The following STAU2 variants were observed in gnomAD, a reference collection of about 807,000 sequenced individuals.
STAU2 encodes double-stranded RNA-binding protein Staufen homolog 2.
Under a neutral mutation model 65.9 loss-of-function variants are expected in STAU2, and 20 were observed. The ratio of observed to expected loss-of-function variants is 0.30; its 90% confidence interval spans 0.21 to 0.44. STAU2 has a LOEUF of 0.44. Ranked by LOEUF, STAU2 falls within the 20% of genes least tolerant of loss-of-function variation. STAU2 has a pLI of 1.00. For missense variants in STAU2, 558 were observed against 683.9 expected (o/e 0.82, Z 2.05); for synonymous variants, 232 against 233.9 (o/e 0.99, Z 0.07).
At chr8:73,574,070 G>A (rs1325995628) in intron 12 of STAU2, among the ~76,000 whole-genome samples, 6 of 151,790 alleles carry the variant, frequency 4.0e-5, no homozygotes, top group African/African-American at 1.5e-4. Context: ...AAAAAATCAA[G>A]CAACCCCATC....
At chr8:73,623,780 C>T (rs1358891383) in intron 6 of STAU2, among the ~76,000 whole-genome samples, 1 of 152,162 alleles carries the variant, frequency 6.6e-6, no homozygotes, top group Non-Finnish European at 1.5e-5. Context: ...GTCCTTGGCA[C>T]ATTTTCAAAC....
At position 73,439,344 on chromosome 8, in the gene STAU2, T is replaced by C. The variant is rs114739794; in HGVS notation, c.1531-16642A>G. The stretch of plus-strand genomic sequence containing the variant: ...TAAGAGGCTAAGATTTGACTGGGCA[T>C]GGTGGCTCATGCCTGTAATCCCAGC... On this transcript the variant is annotated intron_variant, in intron 13 of 14. Coordinates refer to ENST00000524300, the MANE Select transcript of STAU2 (RefSeq NM_001164380.2). 1,150 of 288,580 alleles carry C rather than the reference T, an allele frequency of 4.0e-3. 15 individuals carry two copies. Among genetic ancestry groups the C allele is most frequent in the African/African-American group, 0.024 (1,082 of 44,836 alleles). The allele number at this position is 288,580 out of a possible 1,614,324, so 17.9% of individuals were successfully genotyped here.
At chr8:73,672,263 T>C (rs948878072) in intron 6 of STAU2, 3 of 152,142 alleles carry the variant, frequency 2.0e-5, no homozygotes, top group African/African-American at 7.2e-5. Flanking sequence ...ATAAATACTG[T>C]ATGAGTCTAG....
Position 73,689,047 on chromosome 8 carries a change from G to A in STAU2, c.115-234C>T, listed in dbSNP as rs116644194. ...AGTAGCAGATCTAGGTGTACATTCT[G>A]GGTAGAATAAATCAAGAAGCAATCT... On this transcript the variant is annotated intron_variant, in intron 4 of 14. Coordinates refer to ENST00000524300, the MANE Select transcript of STAU2 (RefSeq NM_001164380.2). Among the ~76,000 whole-genome samples the A allele has an allele frequency of 3.1e-3, 467 of 152,236 alleles. 2 individuals carry two copies. The highest frequency in any genetic ancestry group is 0.011 in the African/African-American group (439 of 41,536).
chr8:73,654,997 TA>T (rs1432272149), intron 6 of STAU2, among the ~76,000 whole-genome samples: 1 of 152,174 alleles, frequency 6.6e-6, no homozygotes, highest in African/African-American at 2.4e-5. Context: ...AACCATTTCT[TA>T]AACCACCACA....
chr8:73,681,381 C>T lies in STAU2; in HGVS notation c.274+7273G>A, dbSNP rs114913697. ...CAGTGAAACTAAGCTTCATTAATGA[C>T]GGAAAGATAAAAGTCTTTTTCAGGC... On this transcript the variant is annotated intron_variant, in intron 5 of 14. Transcript: ENST00000524300. 3.1e-3 allele frequency among the ~76,000 whole-genome samples: 478 copies of T among 152,136 alleles called. 2 individuals are homozygous for T. The highest frequency in any genetic ancestry group is 0.01 in the Middle Eastern group (3 of 294).
At chr8:73,664,955 A>G (rs1167397930) in intron 6 of STAU2, among the ~76,000 whole-genome samples, 1 of 152,060 alleles carries the variant, frequency 6.6e-6, no homozygotes, top group Non-Finnish European at 1.5e-5. Context: ...TCAGGCCACT[A>G]TACTCCAGCC....
At chr8:73,641,068 G>C (rs1814923415) in intron 6 of STAU2, among the ~76,000 whole-genome samples, 3 of 152,130 alleles carry the variant, frequency 2.0e-5, no homozygotes, top group Admixed American at 2.0e-4. Flanking sequence ...GTGATACAAA[G>C]TTATTAGTTA....
intron 4 of STAU2, among the ~76,000 whole-genome samples, chr8:73,692,123 T>C (rs2130546415): frequency 6.6e-6 from 1 of 151,828 alleles, no homozygotes; most frequent in East Asian, 1.9e-4. Context: ...CACACTGAGG[T>C]GCTGCAGGGT....
intron 3 of STAU2, among the ~76,000 whole-genome samples, chr8:73,728,272 T>C (rs1805793524): frequency 6.6e-6 from 1 of 152,194 alleles, no homozygotes; most frequent in East Asian, 1.9e-4. Context: ...TTCTGGACTC[T>C]CAATTCTATT....
intron 9 of STAU2, among the ~76,000 whole-genome samples, chr8:73,606,808 A>G (rs1229879896): frequency 6.6e-6 from 1 of 152,340 alleles, no homozygotes; most frequent in East Asian, 1.9e-4. Context: ...ACAATCAAAA[A>G]TTAGAAACAG....
In STAU2 at chr8:73,421,335, A is replaced by G. The variant is rs1447245842; in HGVS notation, c.*37T>C. On this transcript the variant is annotated 3_prime_UTR_variant, in exon 15 of 15. Transcript: ENST00000524300. ...CACCCTCATGCGTGCTGACAGGTTT[A>G]TAAGGATGCGGTGGCAGCCGCGGGT... 6.6e-7 allele frequency: 1 copy of G among 1,522,466 alleles called. No homozygotes were observed. Among genetic ancestry groups the G allele is most frequent in the South Asian group, 1.2e-5 (1 of 83,766 alleles). The allele number at this position is 1,522,466 out of a possible 1,614,324, so 94.3% of individuals were successfully genotyped here.
intron 13 of STAU2, chr8:73,527,460 C>A: frequency 8.3e-6 from 3 of 359,926 alleles, no homozygotes; most frequent in South Asian, 6.7e-5. Flanking sequence ...AAAATAATTC[C>A]ATATTTAAAA....
intron 10 of STAU2, among the ~76,000 whole-genome samples, chr8:73,601,730 G>A (rs1472690): frequency 0.028 from 4,320 of 152,196 alleles, 171 homozygotes; most frequent in African/African-American, 0.095. Flanking sequence ...GAATGTTTAT[G>A]AATACCCATA....
At chr8:73,530,342 C>CT (rs1805729642) in intron 13 of STAU2, among the ~76,000 whole-genome samples, 1 of 152,170 alleles carries the variant, frequency 6.6e-6, no homozygotes, top group Non-Finnish European at 1.5e-5. Flanking sequence ...GAGCTGCCAA[C>CT]ATTTAGGGCT....
intron 6 of STAU2, among the ~76,000 whole-genome samples, chr8:73,646,990 A>T (rs1815434275): frequency 6.6e-6 from 1 of 150,756 alleles, no homozygotes; most frequent in Admixed American, 6.6e-5. Flanking sequence ...GATGTTCAAC[A>T]TCCCTAACCA....
At chr8:73,446,623 T>C (rs1028483508) in intron 13 of STAU2, among the ~76,000 whole-genome samples, 2 of 152,146 alleles carry the variant, frequency 1.3e-5, no homozygotes, top group African/African-American at 4.8e-5. Flanking sequence ...AAACAGTATT[T>C]TACATTTTTA....
chr8:73,700,506 A>G (rs1490592539), intron 4 of STAU2, among the ~76,000 whole-genome samples: 1 of 152,174 alleles, frequency 6.6e-6, no homozygotes, highest in East Asian at 1.9e-4. Flanking sequence ...CTAAATCAGT[A>G]GCATTTCTAT....
At chr8:73,728,136 G>T (rs2130737582) in intron 3 of STAU2, 1 of 152,160 alleles carries the variant, frequency 6.6e-6, no homozygotes, top group East Asian at 1.9e-4. Flanking sequence ...CATGAAGTAG[G>T]GGTCCAACTT....
Sources: gnomAD v4.1 joint callset for allele counts (sites outside exome capture counted in the v4.1 genomes callset) on GRCh38, gnomAD v4.1.1 for gene constraint, MANE v1.5 for transcripts, NCBI Gene and HGNC (gene_info 2026-07-23, HGNC 2026-07-21) for gene names.